The following LDHAL6A variants were observed in gnomAD, a reference collection of about 807,000 sequenced individuals.
The protein encoded by LDHAL6A is L-lactate dehydrogenase A-like 6A.
LDHAL6A carries 19 observed loss-of-function variants against 28.2 expected under a neutral mutation model. The ratio of observed to expected loss-of-function variants is 0.67; its 90% CI spans 0.47 to 0.99. The LOEUF (loss-of-function observed/expected upper bound fraction) is 0.99, where lower values mean the gene tolerates loss of function less well. LDHAL6A is among the 50% of genes least tolerant of loss of function. The probability of loss-of-function intolerance (pLI) is 0.00; values close to 1 mark genes in which losing one functional copy is unlikely to be tolerated. For missense variants in LDHAL6A, 372 were observed against 398.6 expected (o/e 0.93, Z 0.57); for synonymous variants, 144 against 134.4 (o/e 1.07, Z -0.49).
At chr11:18,466,564 G>A (rs1336747343) in intron 3 of LDHAL6A, among the ~76,000 whole-genome samples, 1 of 150,880 alleles carries the variant, frequency 6.6e-6, no homozygotes, top group African/African-American at 2.4e-5. Context: ...TGAGGCGGGA[G>A]GATTGCTTCA....
intron 2 of LDHAL6A, among the ~76,000 whole-genome samples, chr11:18,465,029 A>C (rs1366899982): frequency 7.4e-6 from 1 of 135,658 alleles, no homozygotes; most frequent in South Asian, 2.3e-4. Flanking sequence ...GTGTCTTGCT[A>C]TGTTGGTGCA....
rs1281482501 is a variant in LDHAL6A, at chr11:18,456,407, C to G, written c.-274C>G. ...TGGTGGAGCAACCCCTGTTCCTTTC[C>G]TCTCTCTCTCTCTTAATTCCTCTTA... On this transcript the variant is annotated 5_prime_UTR_variant, in exon 1 of 7. Coordinates refer to ENST00000280706, the MANE Select transcript of LDHAL6A (RefSeq NM_144972.5). 7 of 205,552 alleles carry G rather than the reference C, an allele frequency of 3.4e-5. No homozygotes were observed. The allele number at this position is 205,552 out of a possible 1,614,324, so 12.7% of individuals were successfully genotyped here. A position where few individuals can be genotyped will look rare whatever the true frequency, so the allele number is the denominator to read the frequency against.
intron 1 of LDHAL6A, among the ~76,000 whole-genome samples, chr11:18,460,480 C>A (rs1352987280): frequency 6.6e-6 from 1 of 151,186 alleles, no homozygotes; most frequent in East Asian, 1.9e-4. Flanking sequence ...GTAATCCCAG[C>A]TACTTGGGAG....
At chr11:18,462,716 C>T (rs1401491890) in intron 1 of LDHAL6A, among the ~76,000 whole-genome samples, 2 of 151,264 alleles carry the variant, frequency 1.3e-5, no homozygotes, top group Non-Finnish European at 2.9e-5. Flanking sequence ...GCCTGTAATC[C>T]CAGCTACTCA....
intron 1 of LDHAL6A, 82 bp from the exon 2 acceptor site, chr11:18,463,879 A>C: frequency 1.2e-6 from 1 of 826,840 alleles, no homozygotes; most frequent in Non-Finnish European, 2.1e-6. Flanking sequence ...CTAGACATAG[A>C]TCACCAATAT....
rs1053530743 is a variant in LDHAL6A at position 18,477,607 on chromosome 11, C to A, written c.711-13C>A. On this transcript the variant is annotated splice_polypyrimidine_tract_variant and intron_variant, in intron 5 of 6. Coordinates refer to ENST00000280706, the MANE Select transcript of LDHAL6A (RefSeq NM_144972.5). ...GCATCTTAACTTATGTTTATGGTTTCTTCTATCTACAGTGGCTATGAGATG... is the reference window on the plus strand; with the variant it reads ...GCATCTTAACTTATGTTTATGGTTTATTCTATCTACAGTGGCTATGAGATG... The A allele has an allele frequency of 1.3e-6, 2 of 1,589,294 alleles. No homozygotes were observed. The highest frequency in any genetic ancestry group is 1.7e-6 in the Non-Finnish European group (2 of 1,172,170).
rs1848754086 is a variant in LDHAL6A, at chr11:18,456,358, C to G, written c.-323C>G. ...AGGGGGTCAGCTGCGGGACGGAGTG[C>G]CGTCCCAGCTGTAGTTTCATGTTTG... On this transcript the variant is annotated 5_prime_UTR_variant, in exon 1 of 7. Coordinates refer to ENST00000280706, the MANE Select transcript of LDHAL6A (RefSeq NM_144972.5). 4.0e-6 allele frequency: 1 copy of G among 250,130 alleles called. No individual in the cohort carries two copies. Among genetic ancestry groups the G allele is most frequent in the Admixed American group, 5.9e-5 (1 of 17,046 alleles). 15.5% of individuals were successfully genotyped at this position (250,130 alleles called of 1,614,324 possible).
At chr11:18,470,022 A>T (rs1313979898) in intron 3 of LDHAL6A, among the ~76,000 whole-genome samples, 1 of 151,984 alleles carries the variant, frequency 6.6e-6, no homozygotes, top group Admixed American at 6.6e-5. Context: ...TCCGCCTCCC[A>T]GGTTCAAGCA....
intron 2 of LDHAL6A, among the ~76,000 whole-genome samples, chr11:18,464,976 T>A (rs11024663): frequency 1.0e-4 from 1 of 9,556 alleles, no homozygotes; most frequent in African/African-American, 2.8e-4. Flanking sequence ...GTGTTTTTTT[T>A]GTTTTTTTTT....
chr11:18,465,425 CG>C (rs1376270730), intron 2 of LDHAL6A, among the ~76,000 whole-genome samples: 2 of 108,792 alleles, frequency 1.8e-5, no homozygotes, highest in African/African-American at 4.6e-5. Flanking sequence ...ACATGACTTA[CG>C]TTTTTTTTTT....
intron 3 of LDHAL6A, among the ~76,000 whole-genome samples, chr11:18,473,020 T>C (rs969205018): frequency 6.6e-6 from 1 of 152,154 alleles, no homozygotes; most frequent in Non-Finnish European, 1.5e-5. Flanking sequence ...CTTTGTAGAA[T>C]GATTTGTGAA....
Position 18,455,877 on chromosome 11 carries a change from AAGCATCACACCTG to A in LDHAL6A, c.-803_-791del, listed in dbSNP as rs1458981652. ...GCCCGCTTCCGGCCTCACACCTGCC[AAGCATCACACCTG>A]CCAAGCATCACACCTGCCAAGCATC... On this transcript the variant is annotated 5_prime_UTR_variant, in exon 1 of 7. Coordinates refer to ENST00000280706, the MANE Select transcript of LDHAL6A (RefSeq NM_144972.5). 6.5e-4 allele frequency: 2 copies of A among 3,054 alleles called. No individual in the cohort carries two copies. Among genetic ancestry groups the A allele is most frequent in the African/African-American group, 2.5e-3 (2 of 814 alleles). 0.2% of individuals were successfully genotyped at this position (3,054 alleles called of 1,614,324 possible).
chr11:18,475,368 C>A, intron 3 of LDHAL6A, 98 bp from the exon 4 acceptor site: 1 of 957,230 alleles, frequency 1.0e-6, no homozygotes. Context: ...CTTGCCTCCT[C>A]CACAAAACAT....
chr11:18,469,156 A>C (rs972649248), intron 3 of LDHAL6A: 2 of 609,652 alleles, frequency 3.3e-6, no homozygotes, highest in Non-Finnish European at 5.8e-6. Context: ...TATGACTCAG[A>C]GTTGTGAAGG....
chr11:18,477,930 C>T (rs1849431534), intron 6 of LDHAL6A, among the ~76,000 whole-genome samples, 187 bp downstream of exon 6: 1 of 151,908 alleles, frequency 6.6e-6, no homozygotes, highest in Non-Finnish European at 1.5e-5. Flanking sequence ...TTGTCCTGGT[C>T]TAGTGTGACA....
intron 4 of LDHAL6A, 35 bp downstream of exon 4, chr11:18,475,674 C>T: frequency 1.3e-6 from 2 of 1,562,084 alleles, no homozygotes; most frequent in Non-Finnish European, 1.7e-6. Context: ...TCTGAAATAT[C>T]TATTTCCTAT....
rs746582626 is a variant in LDHAL6A, at chr11:18,475,416, CAT to C, written c.419-47_419-46del. On this transcript the variant is annotated intron_variant, in intron 3 of 6. Coordinates refer to ENST00000280706, the MANE Select transcript of LDHAL6A (RefSeq NM_144972.5). ...TTTTAAGTTAGGTAAATCTAAAAAACATATCCTTGTAGATGAGGACATTTCTT... is the reference window on the plus strand; with the variant it reads ...TTTTAAGTTAGGTAAATCTAAAAAACATCCTTGTAGATGAGGACATTTCTT... 5.7e-6 allele frequency: 8 copies of C among 1,413,362 alleles called. No homozygotes were observed. In the African/African-American group the frequency reaches 8.6e-5, roughly 15 times the overall value. 87.6% of individuals were successfully genotyped at this position (1,413,362 alleles called of 1,614,324 possible). A position where few individuals can be genotyped will look rare whatever the true frequency, so the allele number is the denominator to read the frequency against.
chr11:18,463,786 AT>A (rs1362364736), intron 1 of LDHAL6A, among the ~76,000 whole-genome samples, 174 bp from the exon 2 acceptor site: 1 of 151,982 alleles, frequency 6.6e-6, no homozygotes, highest in African/African-American at 2.4e-5. Context: ...TGTAATTTGT[AT>A]TTTTTCTGGT....
chr11:18,465,642 C>T lies in LDHAL6A; in HGVS notation c.250C>T (p.Leu84=), dbSNP rs1173665486. 2 of 1,610,980 alleles carry T rather than the reference C, an allele frequency of 1.2e-6. No individual in the cohort carries two copies. The highest frequency in any genetic ancestry group is 1.7e-6 in the Non-Finnish European group (2 of 1,178,850). Residue 84 remains leucine (L), a synonymous_variant, in exon 3 of 7, where the codon CTG becomes TTG. Coordinates refer to ENST00000280706, the MANE Select transcript of LDHAL6A (RefSeq NM_144972.5). ...MPNIVSSKDY[L]VTANSNLVII... ...TTATTCTAATCTTTCCTCAGATTACCTGGTCACTGCAAACTCCAATCTAGT... is the reference window on the plus strand; with the variant it reads ...TTATTCTAATCTTTCCTCAGATTACTTGGTCACTGCAAACTCCAATCTAGT...
Sources: gnomAD v4.1 joint callset for allele counts (sites outside exome capture counted in the v4.1 genomes callset) on GRCh38, gnomAD v4.1.1 for gene constraint, MANE v1.5 for transcripts, NCBI Gene and HGNC (gene_info 2026-07-23, HGNC 2026-07-21) for gene names.